Variants in COL28A1 observed in about 807,000 individuals in gnomAD.
COL28A1 encodes the protein collagen type XXVIII alpha 1 chain, also known as collagen alpha-1(XXVIII) chain.
Under a neutral mutation model 150.2 loss-of-function variants are expected in COL28A1, and 161 were observed. That is an observed-to-expected ratio of 1.07 (90% CI 0.94 to 1.22). COL28A1 has a LOEUF of 1.22. Among genes scored for constraint, COL28A1 ranks in the 50% most tolerant of loss-of-function variants. The pLI, the probability that COL28A1 is intolerant of heterozygous loss-of-function variation, is 0.00. For synonymous variants in COL28A1, 552 were observed against 469.7 expected (o/e 1.18, Z -2.26); for missense variants, 1,617 against 1,388.3 (o/e 1.16, Z -2.62).
the COL28A1 span, among the ~76,000 whole-genome samples, chr7:7,346,065 A>G: frequency 3.3e-5 from 5 of 151,966 alleles, no homozygotes; most frequent in Non-Finnish European, 7.4e-5. Flanking sequence ...TGCCTTTTTT[A>G]TATTCAGAAG....
In COL28A1 at chr7:7,358,415, AC is replaced by A. The variant is rs1201824628; in HGVS notation, c.*217del. On this transcript the variant is annotated 3_prime_UTR_variant, in exon 35 of 35. Transcript: ENST00000399429. ...AGCTCTGAAACTTTTTAGTTGGGTG[AC>A]AGTTGACAAGTTACTAAACTTCTCA... is the stretch of plus-strand genomic sequence containing the variant. The A allele has an allele frequency of 1.6e-5, 7 of 438,780 alleles. No homozygotes were observed. The highest frequency in any genetic ancestry group is 2.8e-5 in the Non-Finnish European group (7 of 249,012). The allele number at this position is 438,780 out of a possible 1,614,324, so 27.2% of individuals were successfully genotyped here. A position where few individuals can be genotyped will look rare whatever the true frequency, so the allele number is the denominator to read the frequency against.
rs749587911 is a variant in COL28A1, at chr7:7,474,645, T to C, written c.1258A>G (p.Thr420Ala). Residue 420 changes from threonine to alanine, a missense_variant, in exon 15 of 35, where the codon ACT (threonine) becomes GCT (alanine). Transcript: ENST00000399429. Reference protein sequence around the residue: ...PKGEKGSEGPTGPQGLQGLSI... With the variant: ...PKGEKGSEGPAGPQGLQGLSI... ...AGGCCTTGTAATCCCTGTGGGCCAG[T>C]TGGTCCTTCAGAACCTTTTTCACCC... 1.4e-6 allele frequency: 2 copies of C among 1,435,290 alleles called. No homozygotes were observed. The highest frequency in any genetic ancestry group is 4.5e-5 in the East Asian group (2 of 43,994). The allele number at this position is 1,435,290 out of a possible 1,614,324, so 88.9% of individuals were successfully genotyped here. A position where few individuals can be genotyped will look rare whatever the true frequency, so the allele number is the denominator to read the frequency against.
intron 11 of COL28A1, among the ~76,000 whole-genome samples, chr7:7,495,177 C>A (rs1213164245): frequency 6.6e-6 from 1 of 152,084 alleles, no homozygotes; most frequent in African/African-American, 2.4e-5. Context: ...AAAATATTAT[C>A]ATTTTGACAT....
chr7:7,417,548 G>GAGACA lies in COL28A1; in HGVS notation c.2136+310_2136+311insTGTCT, dbSNP rs1277932744. 195 of 33,470 alleles carry GAGACA rather than the reference G, an allele frequency of 5.8e-3. 3 individuals carry two copies. Among genetic ancestry groups the GAGACA allele is most frequent in the African/African-American group, 0.048 (173 of 3,592 alleles). 2.1% of individuals were successfully genotyped at this position (33,470 alleles called of 1,614,324 possible). On this transcript the variant is annotated intron_variant, in intron 27 of 34. Transcript: ENST00000399429. Reference sequence around the variant, plus strand: ...GGGGAGGGAGGGAGGGAGGGGGGGGGGAGAGAGAGAGAGAGAGAGAGCAAC... The same window carrying GAGACA: ...GGGGAGGGAGGGAGGGAGGGGGGGGGAGACAGAGAGAGAGAGAGAGAGAGAGCAAC...
At chr7:7,536,072 G>A (rs1411422074), upstream of COL28A1, among the ~76,000 whole-genome samples, 1 of 152,076 alleles carries the variant, frequency 6.6e-6, no homozygotes, top group African/African-American at 2.4e-5. Context: ...TTTAGGCATT[G>A]GTTGACAGCC....
chr7:7,515,828 AC>A lies in COL28A1; in HGVS notation c.867del (p.Tyr290ThrfsTer16). ...AGERGPGGIP[G>X]YKGDKGERGE... The stretch of plus-strand genomic sequence containing the variant: ...TACCAACTTACCTTGTCACCCTTGT[AC>A]CCAGGAATTCCCTAATTTAAAAAGA... On this transcript the variant is annotated frameshift_variant, in exon 8 of 35. Coordinates refer to ENST00000399429, the MANE Select transcript of COL28A1 (RefSeq NM_001037763.3). LOFTEE classifies it high-confidence loss of function. 1.9e-6 allele frequency: 2 copies of A among 1,061,958 alleles called. No homozygotes were observed. Among genetic ancestry groups the A allele is most frequent in the Non-Finnish European group, 2.9e-6 (2 of 678,894 alleles). 65.8% of individuals were successfully genotyped at this position (1,061,958 alleles called of 1,614,324 possible). A position where few individuals can be genotyped will look rare whatever the true frequency, so the allele number is the denominator to read the frequency against.
intron 31 of COL28A1, among the ~76,000 whole-genome samples, chr7:7,374,019 A>C (rs1273126132): frequency 1.3e-5 from 1 of 75,570 alleles, no homozygotes; most frequent in Non-Finnish European, 2.6e-5. Flanking sequence ...TCTATACTTG[A>C]CTCTTAAAAA....
rs563649998 is a variant in COL28A1, at chr7:7,378,836, G to A, written c.2322+1824C>T. Reference sequence around the variant, plus strand: ...AAAGGTGGGATCTTAGGTAAGAGAAGGTTATGGCCATCAGCCTGTCACCGT... The same window carrying A: ...AAAGGTGGGATCTTAGGTAAGAGAAAGTTATGGCCATCAGCCTGTCACCGT... On this transcript the variant is annotated intron_variant, in intron 30 of 34. Coordinates refer to ENST00000399429, the MANE Select transcript of COL28A1 (RefSeq NM_001037763.3). Among the ~76,000 whole-genome samples, 29 of 152,304 alleles carry A rather than the reference G, an allele frequency of 1.9e-4. 1 individual carries two copies. Among genetic ancestry groups the A allele is most frequent in the Admixed American group, 1.6e-3 (24 of 15,292 alleles).
chr7:7,340,422 T>G, the COL28A1 span, among the ~76,000 whole-genome samples: 3 of 152,074 alleles, frequency 2.0e-5, no homozygotes, highest in Non-Finnish European at 4.4e-5. Context: ...CTTAACATTG[T>G]TATTATTGAT....
intron 25 of COL28A1, among the ~76,000 whole-genome samples, chr7:7,426,347 CACCT>C (rs1419291815): frequency 2.2e-4 from 33 of 152,134 alleles, no homozygotes; most frequent in African/African-American, 6.8e-4. Context: ...TACATAATTC[CACCT>C]ATGTCATGTG....
At chr7:7,533,000 C>T (rs547370769) in intron 1 of COL28A1, 88 bp from the exon 2 acceptor site, 3 of 1,283,048 alleles carry the variant, frequency 2.3e-6, no homozygotes, top group African/African-American at 3.0e-5. Context: ...TGAAAACTGG[C>T]ATGTGACTGG....
intron 18 of COL28A1, 80 bp downstream of exon 18, chr7:7,452,239 G>C: frequency 6.4e-7 from 1 of 1,558,550 alleles, no homozygotes; most frequent in African/African-American, 1.4e-5. Flanking sequence ...CACAGAGTCT[G>C]TAAGGCAATT....
intron 6 of COL28A1, among the ~76,000 whole-genome samples, chr7:7,519,236 C>T (rs139384766): frequency 1.8e-3 from 277 of 152,194 alleles, no homozygotes; most frequent in African/African-American, 6.3e-3. Context: ...GGGAACTTCC[C>T]CTTATAAAAC....
At chr7:7,471,597 T>C (rs747459732) in intron 15 of COL28A1, among the ~76,000 whole-genome samples, 1 of 152,136 alleles carries the variant, frequency 6.6e-6, no homozygotes, top group South Asian at 2.1e-4. Context: ...ATACACCACA[T>C]GAACAGAATA....
intron 27 of COL28A1, among the ~76,000 whole-genome samples, chr7:7,402,243 C>T (rs1783247280): frequency 6.6e-6 from 1 of 152,182 alleles, no homozygotes; most frequent in Non-Finnish European, 1.5e-5. Context: ...CAAGGTTAAA[C>T]ATCAGAACAT....
At chr7:7,457,631 A>G (rs1487295999) in intron 15 of COL28A1, among the ~76,000 whole-genome samples, 1 of 152,194 alleles carries the variant, frequency 6.6e-6, no homozygotes, top group Non-Finnish European at 1.5e-5. Flanking sequence ...TTTGCCAAGT[A>G]ATAGAAAAAA....
intron 27 of COL28A1, among the ~76,000 whole-genome samples, chr7:7,389,958 C>T (rs1256982886): frequency 6.6e-6 from 1 of 152,186 alleles, no homozygotes; most frequent in Non-Finnish European, 1.5e-5. Context: ...TTGATTTCCT[C>T]TCTTCCTATT....
chr7:7,346,775 G>C, the COL28A1 span, among the ~76,000 whole-genome samples: 1 of 151,992 alleles, frequency 6.6e-6, no homozygotes, highest in Non-Finnish European at 1.5e-5. Flanking sequence ...ATTTGTACTA[G>C]GAAAAGGGCT....
chr7:7,351,272 G>T (rs1194927163), downstream of COL28A1, among the ~76,000 whole-genome samples: 1 of 152,152 alleles, frequency 6.6e-6, no homozygotes, highest in Non-Finnish European at 1.5e-5. Context: ...TGCAGCAGCA[G>T]CCAGAATGAG....
Sources: gnomAD v4.1 joint callset for allele counts (sites outside exome capture counted in the v4.1 genomes callset) on GRCh38, gnomAD v4.1.1 for gene constraint, MANE v1.5 for transcripts, NCBI Gene and HGNC (gene_info 2026-07-23, HGNC 2026-07-21) for gene names.